Variants in HS6ST3 observed in about 807,000 individuals in gnomAD.
The protein encoded by HS6ST3 is heparan sulfate 6-O-sulfotransferase 3.
HS6ST3 carries 12 observed loss-of-function variants against 36.7 expected under a neutral mutation model. The ratio of observed to expected loss-of-function variants is 0.33; its 90% CI spans 0.21 to 0.53. HS6ST3 has a LOEUF of 0.53. Among genes scored for constraint, HS6ST3 ranks in the 20% least tolerant of loss-of-function variants. The pLI, the probability that HS6ST3 is intolerant of heterozygous loss-of-function variation, is 0.95. For missense variants in HS6ST3, 584 were observed against 640.9 expected, an observed-to-expected ratio of 0.91 and a Z score of 0.96; for synonymous variants, 240 against 257.5, an observed-to-expected ratio of 0.93 and a Z score of 0.65.
intron 1 of HS6ST3, among the ~76,000 whole-genome samples, chr13:96,630,737 T>C (rs147296222): frequency 3.2e-4 from 49 of 152,306 alleles, no homozygotes; most frequent in African/African-American, 9.1e-4. Flanking sequence ...TGGTTTTCAC[T>C]TTATTTGGGG....
chr13:96,821,865 AT>A (rs1878541760), intron 1 of HS6ST3, among the ~76,000 whole-genome samples: 1 of 152,236 alleles, frequency 6.6e-6, no homozygotes, highest in African/African-American at 2.4e-5. Flanking sequence ...GATTAAAAAA[AT>A]ATATATTCTT....
intron 1 of HS6ST3, among the ~76,000 whole-genome samples, chr13:96,102,657 G>T (rs1292665292): frequency 1.3e-5 from 2 of 152,100 alleles, no homozygotes; most frequent in African/African-American, 4.8e-5. Flanking sequence ...AATCAATATT[G>T]TGTATAAATT....
intron 1 of HS6ST3, among the ~76,000 whole-genome samples, chr13:96,222,388 T>C (rs2054460354): frequency 6.6e-6 from 1 of 152,212 alleles, no homozygotes; most frequent in African/African-American, 2.4e-5. Context: ...TCATTTTTCC[T>C]GGGCTGAAGA....
chr13:96,709,960 A>G (rs1401608949), intron 1 of HS6ST3, among the ~76,000 whole-genome samples: 1 of 152,220 alleles, frequency 6.6e-6, no homozygotes, highest in Non-Finnish European at 1.5e-5. Flanking sequence ...CCCATGCACA[A>G]TTCAAACAAG....
intron 1 of HS6ST3, among the ~76,000 whole-genome samples, chr13:96,436,664 A>T (rs1006649183): frequency 6.6e-6 from 1 of 152,206 alleles, no homozygotes; most frequent in African/African-American, 2.4e-5. Context: ...TATAAAAAGG[A>T]TACAAGGTTT....
intron 1 of HS6ST3, among the ~76,000 whole-genome samples, chr13:96,267,894 C>T (rs1011061381): frequency 6.6e-6 from 1 of 151,858 alleles, no homozygotes; most frequent in Non-Finnish European, 1.5e-5. Context: ...AAGGACTAAA[C>T]ATGGAACAGA....
At chr13:96,408,907 G>A (rs1439380963) in intron 1 of HS6ST3, among the ~76,000 whole-genome samples, 1 of 151,864 alleles carries the variant, frequency 6.6e-6, no homozygotes, top group African/African-American at 2.4e-5. Flanking sequence ...TTTGGTGACA[G>A]AGTGAGACTC....
intron 1 of HS6ST3, among the ~76,000 whole-genome samples, chr13:96,142,172 A>G (rs956142859): frequency 6.6e-6 from 1 of 152,196 alleles, no homozygotes; most frequent in African/African-American, 2.4e-5. Flanking sequence ...ACTTATTTTC[A>G]TCCATTAGTA....
chr13:96,314,133 G>A (rs781234232), intron 1 of HS6ST3, among the ~76,000 whole-genome samples: 5 of 152,072 alleles, frequency 3.3e-5, no homozygotes, highest in Admixed American at 6.6e-5. Flanking sequence ...CCCAGGAGGC[G>A]GAGGTCTCAG....
chr13:96,267,133 A>G (rs965352909), intron 1 of HS6ST3, among the ~76,000 whole-genome samples: 3 of 152,126 alleles, frequency 2.0e-5, no homozygotes, highest in Admixed American at 2.0e-4. Flanking sequence ...TCTCCTGCAC[A>G]TGCTTTCTTG....
Position 96,782,439 on chromosome 13 carries a change from C to G in HS6ST3, c.708-50051C>G, listed in dbSNP as rs1033148572. Among the ~76,000 whole-genome samples, 6 of 152,076 alleles carry G rather than the reference C, an allele frequency of 3.9e-5. No individual in the cohort carries two copies. In the East Asian group the frequency reaches 1.2e-3, roughly 29 times the overall value. On this transcript the variant is annotated intron_variant, in intron 1 of 1. Transcript: ENST00000376705. ...TGGCTTGTGGGCTGCTAGGTGGTCA[C>G]TTGCCAGCTCTGAGATTGTGAAAAT...
At chr13:96,235,166 GTT>G (rs1725376567) in intron 1 of HS6ST3, among the ~76,000 whole-genome samples, 1 of 152,162 alleles carries the variant, frequency 6.6e-6, no homozygotes, top group Admixed American at 6.5e-5. Flanking sequence ...AAGAGAAGTA[GTT>G]TCCCATAGTT....
chr13:96,402,985 CA>C, intron 1 of HS6ST3, among the ~76,000 whole-genome samples: 1 of 152,140 alleles, frequency 6.6e-6, no homozygotes, highest in Middle Eastern at 3.2e-3. Context: ...TAACAGTTTT[CA>C]AAATGGTTTT....
intron 1 of HS6ST3, among the ~76,000 whole-genome samples, chr13:96,719,460 A>G (rs1351501813): frequency 6.6e-6 from 1 of 152,096 alleles, no homozygotes; most frequent in East Asian, 1.9e-4. Flanking sequence ...AAATATTTGA[A>G]CCCTGTGAAA....
intron 1 of HS6ST3, among the ~76,000 whole-genome samples, chr13:96,240,989 A>G (rs1382572250): frequency 1.3e-5 from 2 of 152,204 alleles, no homozygotes; most frequent in East Asian, 3.9e-4. Context: ...GGCCTGATAT[A>G]TGCCCTGGCA....
At chr13:96,152,493 AC>A (rs2054090886) in intron 1 of HS6ST3, among the ~76,000 whole-genome samples, 1 of 151,046 alleles carries the variant, frequency 6.6e-6, no homozygotes, top group Non-Finnish European at 1.5e-5. Context: ...GCCCGCCACC[AC>A]GCCCGGCTAA....
chr13:96,380,605 T>G (rs895971922), intron 1 of HS6ST3, among the ~76,000 whole-genome samples: 1 of 152,206 alleles, frequency 6.6e-6, no homozygotes, highest in African/African-American at 2.4e-5. Flanking sequence ...TAAAGAGTAT[T>G]TTCAGGTATC....
intron 1 of HS6ST3, among the ~76,000 whole-genome samples, chr13:96,580,193 CATATATATATATATAT>C (rs3051282): frequency 4.0e-4 from 56 of 140,520 alleles, no homozygotes; most frequent in African/African-American, 8.3e-4. Flanking sequence ...CCCATCCAGA[CATATATATATATATAT>C]ATATATATAT....
intron 1 of HS6ST3, among the ~76,000 whole-genome samples, chr13:96,450,015 G>T (rs1375299740): frequency 6.6e-6 from 1 of 152,176 alleles, no homozygotes; most frequent in Non-Finnish European, 1.5e-5. Context: ...TCAAAGAGCA[G>T]CCCCAGGTTG....
Sources: gnomAD v4.1 joint callset for allele counts (sites outside exome capture counted in the v4.1 genomes callset) on GRCh38, gnomAD v4.1.1 for gene constraint, MANE v1.5 for transcripts, NCBI Gene and HGNC (gene_info 2026-07-23, HGNC 2026-07-21) for gene names.